The following ZNF385D variants were observed in gnomAD, a reference collection of about 807,000 sequenced individuals.
ZNF385D encodes zinc finger protein 659.
A neutral mutation model predicts 35.8 loss-of-function variants in ZNF385D; 15 were observed. The observed-to-expected ratio is 0.42, with a 90% CI of 0.28 to 0.64. The LOEUF is 0.64. ZNF385D is among the 30% of genes least tolerant of loss of function. The pLI, the probability that ZNF385D is intolerant of heterozygous loss-of-function variation, is 0.23. For missense variants in ZNF385D, 474 were observed against 494.6 expected, an observed-to-expected ratio of 0.96 and a Z score of 0.39; for synonymous variants, 212 against 186.8, an observed-to-expected ratio of 1.13 and a Z score of -1.10.
intron 3 of ZNF385D, among the ~76,000 whole-genome samples, chr3:21,896,299 A>G (rs1699131731): frequency 6.6e-6 from 1 of 152,188 alleles, no homozygotes; most frequent in Non-Finnish European, 1.5e-5. Flanking sequence ...CTTTGGATAT[A>G]TGTCACTCGT....
At chr3:22,305,485 C>G (rs1399380929) in intron 2 of ZNF385D, among the ~76,000 whole-genome samples, 1 of 152,170 alleles carries the variant, frequency 6.6e-6, no homozygotes, top group Admixed American at 6.6e-5. Flanking sequence ...AACTCATGTT[C>G]ACATTACAGT....
intron 2 of ZNF385D, among the ~76,000 whole-genome samples, chr3:22,277,531 C>T (rs1244311102): frequency 6.6e-6 from 1 of 152,034 alleles, no homozygotes; most frequent in East Asian, 1.9e-4. Context: ...TAATGAATCA[C>T]TAAATAGTAT....
At chr3:21,809,825 A>G (rs1295249797) in intron 3 of ZNF385D, among the ~76,000 whole-genome samples, 3 of 152,004 alleles carry the variant, frequency 2.0e-5, no homozygotes, top group East Asian at 1.9e-4. Flanking sequence ...GGTACAAAAA[A>G]CCAGAATATA....
intron 2 of ZNF385D, among the ~76,000 whole-genome samples, chr3:22,331,086 C>T (rs549392953): frequency 1.2e-4 from 19 of 152,250 alleles, no homozygotes; most frequent in South Asian, 8.3e-4. Flanking sequence ...TGTTTATTGA[C>T]GTGTAAGTCC....
chr3:21,621,554 C>CGTGCGTGT (rs1553625101), intron 2 of ZNF385D, among the ~76,000 whole-genome samples: 3 of 136,904 alleles, frequency 2.2e-5, no homozygotes, highest in Non-Finnish European at 3.1e-5. Flanking sequence ...AAAAAATTCC[C>CGTGCGTGT]GTGTGTGTGT....
chr3:21,923,736 A>T (rs1308257458), intron 3 of ZNF385D, among the ~76,000 whole-genome samples: 1 of 152,172 alleles, frequency 6.6e-6, no homozygotes, highest in Non-Finnish European at 1.5e-5. Context: ...GTCCATTATC[A>T]TAAGGAAGTT....
intron 3 of ZNF385D, among the ~76,000 whole-genome samples, chr3:21,776,520 CT>C (rs898730820): frequency 2.0e-5 from 3 of 151,882 alleles, no homozygotes; most frequent in African/African-American, 7.2e-5. Context: ...ATTTATCATT[CT>C]TTTATTAAGA....
rs75308807 is a variant in ZNF385D at position 22,240,913 on chromosome 3, T to A, written c.107-71878A>T. Among the ~76,000 whole-genome samples, 389 of 151,104 alleles carry A rather than the reference T, an allele frequency of 2.6e-3. 24 individuals are homozygous for A. The highest frequency in any genetic ancestry group is 9.2e-3 in the African/African-American group (374 of 40,872). On this transcript the variant is annotated intron_variant, in intron 2 of 5. Transcript: ENST00000494108. The stretch of plus-strand genomic sequence containing the variant: ...CTTCATATTAAGTACATGCTTCTTT[T>A]GATGCATATCAAAGTGGAAGTATTA...
intron 2 of ZNF385D, among the ~76,000 whole-genome samples, chr3:22,257,742 T>C: frequency 6.6e-6 from 1 of 151,836 alleles, no homozygotes; most frequent in East Asian, 1.9e-4. Context: ...CTTTCTCAAA[T>C]TCAAATGCAA....
At chr3:21,832,389 CAAAT>C (rs1695049852) in intron 3 of ZNF385D, among the ~76,000 whole-genome samples, 2 of 152,084 alleles carry the variant, frequency 1.3e-5, no homozygotes, top group African/African-American at 4.8e-5. Flanking sequence ...CATTTTTAAA[CAAAT>C]AATTTGAAAA....
At chr3:22,325,937 C>T (rs1014699500) in intron 2 of ZNF385D, among the ~76,000 whole-genome samples, 1 of 151,854 alleles carries the variant, frequency 6.6e-6, no homozygotes, top group African/African-American at 2.4e-5. Flanking sequence ...TAATGATCAT[C>T]ATTATCCATC....
intron 4 of ZNF385D, among the ~76,000 whole-genome samples, chr3:21,498,966 A>AAAAAG (rs1706147884): frequency 6.6e-6 from 1 of 151,392 alleles, no homozygotes; most frequent in Non-Finnish European, 1.5e-5. Context: ...AAAAAAAAAA[A>AAAAAG]AAAAGTCAAA....
At chr3:22,120,891 T>C (rs1703058165) in intron 3 of ZNF385D, among the ~76,000 whole-genome samples, 1 of 152,146 alleles carries the variant, frequency 6.6e-6, no homozygotes, top group African/African-American at 2.4e-5. Flanking sequence ...TGACTTTTAA[T>C]GGCAGAAGAG....
chr3:21,579,630 C>A (rs1430678700), intron 2 of ZNF385D: 1 of 151,976 alleles, frequency 6.6e-6, no homozygotes, highest in East Asian at 1.9e-4. Flanking sequence ...TTTTCTAGGA[C>A]AGTTATAACA....
At chr3:22,144,572 CAAAAAAAAAAAAAA>C (rs10536394) in intron 3 of ZNF385D, among the ~76,000 whole-genome samples, 3 of 67,548 alleles carry the variant, frequency 4.4e-5, no homozygotes, top group Non-Finnish European at 7.6e-5. Context: ...GACTCCATTT[CAAAAAAAAAAAAAA>C]AAAAAAAAAA....
chr3:21,650,484 A>G (rs951119737), intron 2 of ZNF385D, among the ~76,000 whole-genome samples: 2 of 152,176 alleles, frequency 1.3e-5, no homozygotes, highest in African/African-American at 4.8e-5. Flanking sequence ...AGCAATATCT[A>G]CGTGCATTTA....
intron 4 of ZNF385D, among the ~76,000 whole-genome samples, chr3:21,479,574 G>T (rs999920383): frequency 6.6e-6 from 1 of 152,102 alleles, no homozygotes; most frequent in Non-Finnish European, 1.5e-5. Flanking sequence ...TAAGGATTTT[G>T]ATTTAGAATT....
chr3:21,751,372 C>T, upstream of ZNF385D: 3 of 1,029,610 alleles, frequency 2.9e-6, no homozygotes, highest in Admixed American at 5.5e-5. Context: ...GCGCGGGAGG[C>T]TCTCTTAAAG....
chr3:22,022,853 T>G (rs1697305402), intron 3 of ZNF385D, among the ~76,000 whole-genome samples: 2 of 152,186 alleles, frequency 1.3e-5, no homozygotes, highest in Non-Finnish European at 2.9e-5. Flanking sequence ...ACGAATATTT[T>G]TAAAAGAATT....
Sources: gnomAD v4.1 joint callset for allele counts (sites outside exome capture counted in the v4.1 genomes callset) on GRCh38, gnomAD v4.1.1 for gene constraint, MANE v1.5 for transcripts, NCBI Gene and HGNC (gene_info 2026-07-23, HGNC 2026-07-21) for gene names.